Variants in PIGY observed in about 807,000 individuals in gnomAD.
PIGY encodes the protein phosphatidylinositol N-acetylglucosaminyltransferase subunit Y.
PIGY carries 3 observed loss-of-function variants against 4.1 expected under a neutral mutation model. The observed-to-expected ratio is 0.73, with a 90% confidence interval of 0.33 to 1.89. The LOEUF is 1.89. Among genes scored for constraint, PIGY ranks in the 40% most tolerant of loss-of-function variants. The probability of loss-of-function intolerance (pLI) is 0.08; values close to 1 mark genes in which losing one functional copy is unlikely to be tolerated. For synonymous variants in PIGY, 33 were observed against 31.4 expected (o/e 1.05, Z -0.18); for missense variants, 78 against 80.3 (o/e 0.97, Z 0.11).
At position 88,522,032 on chromosome 4, in the gene PIGY, G is replaced by A; in HGVS notation, c.-240-3C>T. ...ATTCGTTTGTTGATGCTTCATATCT[G>A]AGGTGGAAAAAAAAAGAACAAAATG... On this transcript the variant is annotated splice_region_variant and splice_polypyrimidine_tract_variant and intron_variant, in intron 1 of 1. Coordinates refer to ENST00000527353, the MANE Select transcript of PIGY (RefSeq NM_001042616.3). 5.2e-6 allele frequency: 8 copies of A among 1,524,300 alleles called. No individual in the cohort carries two copies. Among genetic ancestry groups the A allele is most frequent in the Non-Finnish European group, 7.0e-6 (8 of 1,137,814 alleles). The allele number at this position is 1,524,300 out of a possible 1,614,324, so 94.4% of individuals were successfully genotyped here.
Position 88,523,776 on chromosome 4 carries a change from G to A in PIGY, c.-519C>T. On this transcript the variant is annotated 5_prime_UTR_variant, in exon 1 of 2. Coordinates refer to ENST00000527353, the MANE Select transcript of PIGY (RefSeq NM_001042616.3). ...GAGCTCCCGGCTTCCCGTTCGTCCA[G>A]GCCAGCCGGGCAGGCCCCGCCCCCT... The A allele has an allele frequency of 7.5e-7, 1 of 1,338,532 alleles. No homozygotes were observed. The highest frequency in any genetic ancestry group is 9.7e-7 in the Non-Finnish European group (1 of 1,031,430). The allele number at this position is 1,338,532 out of a possible 1,614,324, so 82.9% of individuals were successfully genotyped here.
At chr4:88,523,068 C>T (rs1292931195) in intron 1 of PIGY, among the ~76,000 whole-genome samples, 5 of 151,628 alleles carry the variant, frequency 3.3e-5, no homozygotes, top group Non-Finnish European at 7.4e-5. Flanking sequence ...GAGTTCTAGG[C>T]CAGTCTGGGC....
rs2149117245 is a variant in PIGY, at chr4:88,521,627, C to T, written c.163G>A (p.Val55Ile). The T allele has an allele frequency of 6.2e-7, 1 of 1,613,988 alleles. No homozygotes were observed. ...ATCCAAGTCCAAAGGTGGAAGAATACATACACTGGTATGGTAATAGGCAAG... is the reference window on the plus strand; with the variant it reads ...ATCCAAGTCCAAAGGTGGAAGAATATATACACTGGTATGGTAATAGGCAAG... The part of the protein sequence containing the change: ...LLLPITIPVY[V>I]FFHLWTWMGI... Residue 55 changes from valine (V) to isoleucine (I), a missense_variant, in exon 2 of 2, where the codon GTA (valine) becomes ATA (isoleucine). Physicochemically the swap from Val to Ile is conservative, Grantham distance 29. Coordinates refer to ENST00000527353, the MANE Select transcript of PIGY (RefSeq NM_001042616.3).
Position 88,521,576 on chromosome 4 carries a change from A to T in PIGY, c.214T>A (p.Ter72ArgextTer3). The change falls in exon 2 of 2, where the codon TGA (stop) becomes AGA (arginine). Residue 72 changes from the stop codon to arginine (R), a stop_lost. Transcript: ENST00000527353. ...WMGIKLFRHN[*>R] ...ACAGCATATTGACTCTAGTTGCATC[A>T]ATTATGCCTGAAGAGTTTAATACCC... 1 of 1,600,300 alleles carries T rather than the reference A, an allele frequency of 6.2e-7. No individual in the cohort carries two copies. Among genetic ancestry groups the T allele is most frequent in the South Asian group, 1.1e-5 (1 of 90,790 alleles).
Position 88,521,713 on chromosome 4 carries a change from A to T in PIGY, c.77T>A (p.Val26Glu). ...SLAGLFYSASVEENFPQGCTS... is the reference protein window; with the variant it reads ...SLAGLFYSASEEENFPQGCTS... The stretch of plus-strand genomic sequence containing the variant: ...GCAGCCCTGTGGGAAGTTTTCTTCC[A>T]CAGAGGCTGAGTAGAACAGTCCTGC... The change falls in exon 2 of 2, where the codon GTG becomes GAG. Residue 26 changes from valine to glutamate, a missense_variant. By Grantham distance (121) the Val-to-Glu change is moderately radical (BLOSUM62 -2). Transcript: ENST00000527353. 1.2e-6 allele frequency: 2 copies of T among 1,613,980 alleles called. No homozygotes were observed. The highest frequency in any genetic ancestry group is 1.7e-6 in the Non-Finnish European group (2 of 1,179,860).
Position 88,523,606 on chromosome 4 carries a change from C to G in PIGY, c.-349G>C. On this transcript the variant is annotated 5_prime_UTR_variant, in exon 1 of 2. Transcript: ENST00000527353. ...GCCCCGGTCGGCCAAAGGCCGCGAC[C>G]CCGACGCGTGCAGGCACCTACGGGC... is the stretch of plus-strand genomic sequence containing the variant. 1 of 1,548,944 alleles carries G rather than the reference C, an allele frequency of 6.5e-7. No individual in the cohort carries two copies. The highest frequency in any genetic ancestry group is 8.7e-7 in the Non-Finnish European group (1 of 1,146,618).
In PIGY at chr4:88,521,783, G is replaced by GA. The variant is rs1256225590; in HGVS notation, c.6dup (p.Leu3SerfsTer34). On this transcript the variant is annotated frameshift_variant, in exon 2 of 2. Transcript: ENST00000527353. LOFTEE classifies it high-confidence loss of function. ...AGAACAGTCAACGTAGGAAGAGACA[G>GA]AAACATTCTTCTCTTCCACTTATTA... is the stretch of plus-strand genomic sequence containing the variant. 6.2e-7 allele frequency: 1 copy of GA among 1,610,618 alleles called. No individual in the cohort carries two copies. Among genetic ancestry groups the GA allele is most frequent in the East Asian group, 2.2e-5 (1 of 44,848 alleles).
chr4:88,522,385 G>T (rs1448682428), intron 1 of PIGY, among the ~76,000 whole-genome samples: 1 of 151,602 alleles, frequency 6.6e-6, no homozygotes, highest in Non-Finnish European at 1.5e-5. Flanking sequence ...ATTTACTACT[G>T]GAATAAACAC....
rs1460483664 is a variant in PIGY, at chr4:88,521,130, T to C, written c.*444A>G. On this transcript the variant is annotated 3_prime_UTR_variant, in exon 2 of 2. Coordinates refer to ENST00000527353, the MANE Select transcript of PIGY (RefSeq NM_001042616.3). The stretch of plus-strand genomic sequence containing the variant: ...TTCTATTTGATTATGTGGTTTTATA[T>C]CACATTCGTTCAAATGCATTTCTCT... The C allele has an allele frequency of 6.4e-6, 1 of 156,056 alleles. No individual in the cohort carries two copies. The highest frequency in any genetic ancestry group is 1.4e-5 in the Non-Finnish European group (1 of 70,428). The allele number at this position is 156,056 out of a possible 1,614,324, so 9.7% of individuals were successfully genotyped here. A position where few individuals can be genotyped will look rare whatever the true frequency, so the allele number is the denominator to read the frequency against.
At chr4:88,522,065 G>A in intron 1 of PIGY, 36 bp from the exon 2 acceptor site, 1 of 1,508,460 alleles carries the variant, frequency 6.6e-7, no homozygotes, top group Non-Finnish European at 8.9e-7. Context: ...ATGAGTTGTG[G>A]GAAAATAAAA....
At chr4:88,523,362 G>A in intron 1 of PIGY, 136 bp downstream of exon 1, 1 of 916,560 alleles carries the variant, frequency 1.1e-6, no homozygotes, top group South Asian at 1.5e-5. Context: ...GCCCGGCGAG[G>A]ACAGAGTCCA....
chr4:88,523,197 C>CG (rs1422063977), intron 1 of PIGY, among the ~76,000 whole-genome samples: 5 of 152,186 alleles, frequency 3.3e-5, no homozygotes, highest in Non-Finnish European at 5.9e-5. Context: ...GTCGGGGAAT[C>CG]GGCATTTTTA....
Position 88,523,545 on chromosome 4 carries a change from C to A in PIGY, c.-288G>T, listed in dbSNP as rs1421304560. ...GGCACACCAGGAACTCCAGCAGCGCCGGATCGAAGTCGCGGGGCGGCTCCT... is the reference window on the plus strand; with the variant it reads ...GGCACACCAGGAACTCCAGCAGCGCAGGATCGAAGTCGCGGGGCGGCTCCT... On this transcript the variant is annotated 5_prime_UTR_variant, in exon 1 of 2. Transcript: ENST00000527353. The A allele has an allele frequency of 2.4e-5, 37 of 1,551,010 alleles. No homozygotes were observed. The highest frequency in any genetic ancestry group is 3.2e-5 in the Non-Finnish European group (37 of 1,146,874).
rs1344307872 is a variant in PIGY, at chr4:88,523,548, A to C, written c.-291T>G. Reference sequence around the variant, plus strand: ...ACACCAGGAACTCCAGCAGCGCCGGATCGAAGTCGCGGGGCGGCTCCTCAG... The same window carrying C: ...ACACCAGGAACTCCAGCAGCGCCGGCTCGAAGTCGCGGGGCGGCTCCTCAG... On this transcript the variant is annotated 5_prime_UTR_variant, in exon 1 of 2. Transcript: ENST00000527353. The C allele has an allele frequency of 6.4e-7, 1 of 1,551,088 alleles. No individual in the cohort carries two copies.
In PIGY at chr4:88,521,934, C is replaced by G; in HGVS notation, c.-145G>C. ...TTGCTTCTTACTTTGACGTGTCATC[C>G]TAGCTGCCTGTGGTATCATATTAGG... On this transcript the variant is annotated 5_prime_UTR_variant, in exon 2 of 2. Coordinates refer to ENST00000527353, the MANE Select transcript of PIGY (RefSeq NM_001042616.3). 6.4e-7 allele frequency: 1 copy of G among 1,551,492 alleles called. No homozygotes were observed. The highest frequency in any genetic ancestry group is 8.7e-7 in the Non-Finnish European group (1 of 1,146,930).
intron 1 of PIGY, 40 bp downstream of exon 1, chr4:88,523,458 C>G (rs545704701): frequency 1.3e-6 from 2 of 1,548,348 alleles, no homozygotes; most frequent in South Asian, 2.4e-5. Flanking sequence ...TTTCCGCCCA[C>G]CGGGAGGCTG....
At position 88,523,619 on chromosome 4, in the gene PIGY, G is replaced by A. The variant is rs1742467965; in HGVS notation, c.-362C>T. ...AAAGGCCGCGACCCCGACGCGTGCA[G>A]GCACCTACGGGCGACCGCGGACGGC... On this transcript the variant is annotated 5_prime_UTR_variant, in exon 1 of 2. Transcript: ENST00000527353. 1.2e-5 allele frequency: 18 copies of A among 1,545,428 alleles called. No individual in the cohort carries two copies. Among genetic ancestry groups the A allele is most frequent in the Non-Finnish European group, 1.6e-5 (18 of 1,145,406 alleles).
rs1560623777 is a variant in PIGY at position 88,521,844 on chromosome 4, GA to G, written c.-56del. Reference sequence around the variant, plus strand: ...TGTTTTAAAAGGTATATGGTATTAAGAAAAGTTGGCTGTTGCGTTTTTTTAA... The same window carrying G: ...TGTTTTAAAAGGTATATGGTATTAAGAAAGTTGGCTGTTGCGTTTTTTTAA... On this transcript the variant is annotated 5_prime_UTR_variant, in exon 2 of 2. Transcript: ENST00000527353. 1 of 1,569,958 alleles carries G rather than the reference GA, an allele frequency of 6.4e-7. No individual in the cohort carries two copies. Among genetic ancestry groups the G allele is most frequent in the Admixed American group, 1.9e-5 (1 of 51,844 alleles).
In PIGY at chr4:88,521,807, T is replaced by C. The variant is rs1742376480; in HGVS notation, c.-18A>G. 5.0e-6 allele frequency: 8 copies of C among 1,603,150 alleles called. No individual in the cohort carries two copies. The highest frequency in any genetic ancestry group is 6.8e-6 in the Non-Finnish European group (8 of 1,174,286). On this transcript the variant is annotated 5_prime_UTR_variant, in exon 2 of 2. Transcript: ENST00000527353. ...AGAAACATTCTTCTCTTCCACTTAT[T>C]ACCTGCCACTGTGTTTTAAAAGGTA... is the stretch of plus-strand genomic sequence containing the variant.
Sources: gnomAD v4.1 joint callset for allele counts (sites outside exome capture counted in the v4.1 genomes callset) on GRCh38, gnomAD v4.1.1 for gene constraint, MANE v1.5 for transcripts, NCBI Gene and HGNC (gene_info 2026-07-23, HGNC 2026-07-21) for gene names.